The following MBTPS1 variants were observed in gnomAD, a reference collection of about 807,000 sequenced individuals.
MBTPS1 encodes membrane bound transcription factor peptidase, site 1.
Under a neutral mutation model 127.8 loss-of-function variants are expected in MBTPS1, and 94 were observed. The ratio of observed to expected loss-of-function variants is 0.74; its 90% CI spans 0.62 to 0.87. MBTPS1 has a LOEUF of 0.87. MBTPS1 is among the 40% of genes least tolerant of loss of function. The probability of loss-of-function intolerance (pLI) is 0.00; values close to 1 mark genes in which losing one functional copy is unlikely to be tolerated. For synonymous variants in MBTPS1, 632 were observed against 509.4 expected (o/e 1.24, Z -3.24); for missense variants, 1,636 against 1,353.2 (o/e 1.21, Z -3.28).
At chr16:84,100,854 T>C (rs12923284) in intron 2 of MBTPS1, among the ~76,000 whole-genome samples, 10,987 of 151,764 alleles carry the variant, frequency 0.072, 523 homozygotes, top group Non-Finnish European at 0.12. Context: ...ACTCAACCCA[T>C]TGGAAATTTA....
At chr16:84,083,458 CT>C (rs776867410) in intron 10 of MBTPS1, among the ~76,000 whole-genome samples, 7,473 of 146,554 alleles carry the variant, frequency 0.051, 466 homozygotes, top group African/African-American at 0.15. Flanking sequence ...ATATCTACCC[CT>C]TTTTTTTTTT....
At chr16:84,059,221 A>G in intron 21 of MBTPS1, 81 bp downstream of exon 21, 1 of 1,522,004 alleles carries the variant, frequency 6.6e-7, no homozygotes, top group Non-Finnish European at 8.9e-7. Flanking sequence ...TGATGTCAGT[A>G]AAATTCCATT....
intron 12 of MBTPS1, among the ~76,000 whole-genome samples, chr16:84,073,822 T>G (rs901866638): frequency 6.6e-6 from 1 of 151,974 alleles, no homozygotes; most frequent in African/African-American, 2.4e-5. Flanking sequence ...CTGGCCAACA[T>G]GGTGAAACCC....
intron 11 of MBTPS1, among the ~76,000 whole-genome samples, chr16:84,080,745 T>C (rs1446238801): frequency 2.6e-5 from 4 of 152,234 alleles, no homozygotes; most frequent in Non-Finnish European, 5.9e-5. Flanking sequence ...TGCGAGCCTC[T>C]TCCTCCCCAG....
In MBTPS1 at chr16:84,070,573, C is replaced by G. The variant is rs2085755171; in HGVS notation, c.1782+15G>C. On this transcript the variant is annotated intron_variant, in intron 13 of 22. Coordinates refer to ENST00000343411, the MANE Select transcript of MBTPS1 (RefSeq NM_003791.4). ...AACAGCTAAGAAAACAAGCCACTTTCCCGCATATCCCTACCTCTGTCTCTG... is the reference window on the plus strand; with the variant it reads ...AACAGCTAAGAAAACAAGCCACTTTGCCGCATATCCCTACCTCTGTCTCTG... 2 of 1,608,434 alleles carry G rather than the reference C, an allele frequency of 1.2e-6. No individual in the cohort carries two copies. The highest frequency in any genetic ancestry group is 1.7e-6 in the Non-Finnish European group (2 of 1,178,796).
At chr16:84,101,144 G>GA (rs1204947934) in intron 2 of MBTPS1, among the ~76,000 whole-genome samples, 1 of 151,654 alleles carries the variant, frequency 6.6e-6, no homozygotes, top group East Asian at 1.9e-4. Flanking sequence ...ACTAAAAATA[G>GA]AAAAAATTAA....
chr16:84,113,805 C>T (rs1180274970), intron 1 of MBTPS1, among the ~76,000 whole-genome samples: 1 of 152,160 alleles, frequency 6.6e-6, no homozygotes, highest in South Asian at 2.1e-4. Flanking sequence ...GTGTTTAGAC[C>T]ACGAAAGGTT....
intron 18 of MBTPS1, among the ~76,000 whole-genome samples, chr16:84,064,707 CA>C (rs2085656735): frequency 6.6e-6 from 1 of 152,184 alleles, no homozygotes; most frequent in South Asian, 2.1e-4. Flanking sequence ...TAGAAAGAAT[CA>C]CTAACCCATG....
intron 1 of MBTPS1, among the ~76,000 whole-genome samples, chr16:84,105,543 G>A (rs1305433690): frequency 6.6e-6 from 1 of 152,136 alleles, no homozygotes; most frequent in East Asian, 1.9e-4. Context: ...TGGGCGTGAG[G>A]GAGGGAGGAG....
intron 15 of MBTPS1, among the ~76,000 whole-genome samples, chr16:84,068,046 A>G (rs1055518804): frequency 2.6e-5 from 4 of 152,268 alleles, no homozygotes; most frequent in Non-Finnish European, 4.4e-5. Flanking sequence ...TGCTCAGGAT[A>G]AAGATTTTCA....
chr16:84,065,639 A>G (rs1291569286), intron 18 of MBTPS1, 51 bp downstream of exon 18: 1 of 1,186,388 alleles, frequency 8.4e-7, no homozygotes, highest in Non-Finnish European at 1.3e-6. Context: ...AGCGGGGGAA[A>G]AGGGAGCGAG....
intron 1 of MBTPS1, among the ~76,000 whole-genome samples, chr16:84,105,966 C>G (rs1050152310): frequency 6.6e-6 from 1 of 152,126 alleles, no homozygotes; most frequent in Admixed American, 6.5e-5. Context: ...GTAAAACATA[C>G]AGTATTTAGC....
At chr16:84,095,275 C>T (rs1214678787) in intron 4 of MBTPS1, among the ~76,000 whole-genome samples, 2 of 152,194 alleles carry the variant, frequency 1.3e-5, no homozygotes, top group Non-Finnish European at 2.9e-5. Flanking sequence ...GCGCTGTGCT[C>T]GTTTGTGTAT....
At position 84,068,495 on chromosome 16, in the gene MBTPS1, T is replaced by C. The variant is rs781297714; in HGVS notation, c.1956-41A>G. On this transcript the variant is annotated intron_variant, in intron 14 of 22. Coordinates refer to ENST00000343411, the MANE Select transcript of MBTPS1 (RefSeq NM_003791.4). Reference sequence around the variant, plus strand: ...CCACAGCATTAAAATGATCGATCTTTACTGGCAATAAAGGCATATCTGGCC... The same window carrying C: ...CCACAGCATTAAAATGATCGATCTTCACTGGCAATAAAGGCATATCTGGCC... 7.7e-6 allele frequency: 10 copies of C among 1,302,388 alleles called. No homozygotes were observed. The Admixed American group carries it at 1.7e-4, about 22-fold the overall frequency. 80.7% of individuals were successfully genotyped at this position (1,302,388 alleles called of 1,614,324 possible).
intron 18 of MBTPS1, among the ~76,000 whole-genome samples, chr16:84,065,165 T>A (rs970278045): frequency 2.6e-5 from 4 of 151,338 alleles, no homozygotes; most frequent in Non-Finnish European, 4.4e-5. Flanking sequence ...TTGCCCAGGC[T>A]GGAGTGCAGT....
Position 84,060,774 on chromosome 16 carries a change from G to C in MBTPS1, c.2612C>G (p.Ser871Trp), listed in dbSNP as rs376819582. 3 of 1,603,204 alleles carry C rather than the reference G, an allele frequency of 1.9e-6. No individual in the cohort carries two copies. The highest frequency in any genetic ancestry group is 2.7e-5 in the African/African-American group (2 of 74,764). The change falls in exon 20 of 23, where the codon TCG becomes TGG. Residue 871 changes from serine (S) to tryptophan (W), a missense_variant. Coordinates refer to ENST00000343411, the MANE Select transcript of MBTPS1 (RefSeq NM_003791.4). ...GAGGCTAGGCGGTGTCACCCCATAC[G>C]ATGTGTACTGGAGGAGGGCATCCAG... Reference protein sequence around the residue: ...WLLDALLQYTSYGVTPPSLSH... With the variant: ...WLLDALLQYTWYGVTPPSLSH...
intron 7 of MBTPS1, 37 bp downstream of exon 7, chr16:84,091,695 C>T: frequency 1.4e-6 from 2 of 1,410,428 alleles, no homozygotes; most frequent in South Asian, 1.2e-5. Context: ...AGAGCAGGAG[C>T]TGTCACCCAA....
intron 11 of MBTPS1, 79 bp downstream of exon 11, chr16:84,081,668 T>C (rs2085941407): frequency 2.7e-6 from 3 of 1,131,738 alleles, no homozygotes; most frequent in Admixed American, 6.1e-5. Flanking sequence ...GTTTTGAGGC[T>C]TGTATTTTGT....
chr16:84,076,620 A>G (rs952533566), intron 11 of MBTPS1, among the ~76,000 whole-genome samples: 6 of 152,234 alleles, frequency 3.9e-5, no homozygotes, highest in African/African-American at 1.2e-4. Flanking sequence ...ATATAGAAAT[A>G]AAATCAACCA....
Sources: gnomAD v4.1 joint callset for allele counts (sites outside exome capture counted in the v4.1 genomes callset) on GRCh38, gnomAD v4.1.1 for gene constraint, MANE v1.5 for transcripts, NCBI Gene and HGNC (gene_info 2026-07-23, HGNC 2026-07-21) for gene names.